Variants in MGLL observed in about 807,000 individuals in gnomAD.
The protein encoded by MGLL is lysophospholipase homolog.
A neutral mutation model predicts 29.1 loss-of-function variants in MGLL; 7 were observed. The observed-to-expected ratio is 0.24, with a 90% CI of 0.14 to 0.45. The LOEUF is 0.45. Ranked by LOEUF, MGLL falls within the 20% of genes least tolerant of loss-of-function variation. The pLI is 0.99. For synonymous variants in MGLL, 148 were observed against 168.3 expected (o/e 0.88, Z 0.93); for missense variants, 356 against 413.6 (o/e 0.86, Z 1.21).
At chr3:127,805,504 G>C (rs1035474744) in intron 2 of MGLL, among the ~76,000 whole-genome samples, 6 of 152,256 alleles carry the variant, frequency 3.9e-5, no homozygotes, top group Admixed American at 3.3e-4. Context: ...CCTAACTGTG[G>C]GACCTCATCA....
At chr3:127,795,776 A>G (rs1383347722) in intron 2 of MGLL, among the ~76,000 whole-genome samples, 1 of 152,196 alleles carries the variant, frequency 6.6e-6, no homozygotes, top group African/African-American at 2.4e-5. Flanking sequence ...TCACACATAT[A>G]ATTTATGTAT....
intron 3 of MGLL, among the ~76,000 whole-genome samples, chr3:127,765,686 C>T (rs911565450): frequency 5.3e-5 from 8 of 152,226 alleles, no homozygotes; most frequent in South Asian, 4.1e-4. Context: ...AACAGAAACA[C>T]GTACCCCCAA....
intron 6 of MGLL, among the ~76,000 whole-genome samples, chr3:127,704,516 C>T (rs898537400): frequency 4.6e-5 from 7 of 152,076 alleles, no homozygotes; most frequent in Admixed American, 3.9e-4. Flanking sequence ...GTCTAATATC[C>T]AGAATCTACA....
intron 7 of MGLL, 68 bp downstream of exon 7, chr3:127,694,907 C>T (rs1355232318): frequency 6.5e-7 from 1 of 1,530,344 alleles, no homozygotes; most frequent in African/African-American, 1.4e-5. Context: ...GCAGATGTGC[C>T]CCAAGGGGTG....
At chr3:127,756,666 C>T (rs2076670329) in intron 3 of MGLL, among the ~76,000 whole-genome samples, 1 of 152,226 alleles carries the variant, frequency 6.6e-6, no homozygotes, top group Non-Finnish European at 1.5e-5. Context: ...CATTTTCAAA[C>T]ACAGGCCTGG....
chr3:127,701,272 C>T (rs1236229534), intron 6 of MGLL, among the ~76,000 whole-genome samples: 3 of 137,578 alleles, frequency 2.2e-5, no homozygotes, highest in South Asian at 4.6e-4. Flanking sequence ...AAAAAAACAA[C>T]GTCAATGTCC....
chr3:127,707,750 A>G (rs2075630261), intron 6 of MGLL, among the ~76,000 whole-genome samples: 1 of 152,244 alleles, frequency 6.6e-6, no homozygotes, highest in Admixed American at 6.5e-5. Context: ...TAGTGTTGAG[A>G]CAATAAAAAG....
intron 5 of MGLL, chr3:127,715,997 T>C (rs963064871): frequency 1.4e-5 from 5 of 365,248 alleles, no homozygotes; most frequent in Non-Finnish European, 1.6e-5. Context: ...GGCTCCCCCA[T>C]TGAGGTGAGA....
At chr3:127,774,028 A>C (rs970893680) in intron 3 of MGLL, among the ~76,000 whole-genome samples, 3 of 152,022 alleles carry the variant, frequency 2.0e-5, no homozygotes, top group African/African-American at 4.8e-5. Flanking sequence ...CACACACATC[A>C]CAGTATACTG....
chr3:127,706,151 C>T (rs1369194293), intron 6 of MGLL, among the ~76,000 whole-genome samples: 1 of 152,186 alleles, frequency 6.6e-6, no homozygotes, highest in East Asian at 1.9e-4. Context: ...GCCACGGGCA[C>T]AGCAGCGTTA....
intron 3 of MGLL, among the ~76,000 whole-genome samples, chr3:127,731,792 G>A (rs2076157087): frequency 6.6e-6 from 1 of 152,164 alleles, no homozygotes; most frequent in African/African-American, 2.4e-5. Context: ...GGCATGCTTT[G>A]CCATCTGTTT....
At chr3:127,707,730 G>A (rs2075629898) in intron 6 of MGLL, among the ~76,000 whole-genome samples, 1 of 152,220 alleles carries the variant, frequency 6.6e-6, no homozygotes, top group Non-Finnish European at 1.5e-5. Context: ...TGCCATCATT[G>A]TGCATTGGGT....
At chr3:127,783,758 G>C (rs1435639405) in intron 2 of MGLL, 1 of 152,230 alleles carries the variant, frequency 6.6e-6, no homozygotes, top group Non-Finnish European at 1.5e-5. Flanking sequence ...AATCAGATGT[G>C]TACTTGTGTA....
intron 3 of MGLL, among the ~76,000 whole-genome samples, chr3:127,758,788 AG>A (rs2076708860): frequency 6.6e-6 from 1 of 152,236 alleles, no homozygotes; most frequent in Admixed American, 6.5e-5. Flanking sequence ...AGCAATTGCT[AG>A]GGAGAAAAAT....
At position 127,773,994 on chromosome 3, in the gene MGLL, A is replaced by G. The variant is rs145785349; in HGVS notation, c.262+7795T>C. 5.0e-3 allele frequency among the ~76,000 whole-genome samples: 762 copies of G among 152,304 alleles called. 6 individuals are homozygous for G. The highest frequency in any genetic ancestry group is 0.014 in the African/African-American group (587 of 41,552). ...TTCGCCCTGCAATCTGTCTTCGCAC[A>G]GCAGCCTCAGGTCGTTCAGAAATCA... On this transcript the variant is annotated intron_variant, in intron 3 of 7. Transcript: ENST00000265052.
intron 2 of MGLL, among the ~76,000 whole-genome samples, chr3:127,795,122 C>A (rs2077363517): frequency 6.6e-6 from 1 of 152,168 alleles, no homozygotes; most frequent in Non-Finnish European, 1.5e-5. Flanking sequence ...ATGGAATCAA[C>A]CTAGGTGCCC....
Position 127,770,381 on chromosome 3 carries a change from G to C in MGLL, c.262+11408C>G, listed in dbSNP as rs143296567. On this transcript the variant is annotated intron_variant, in intron 3 of 7. Coordinates refer to ENST00000265052, the MANE Select transcript of MGLL (RefSeq NM_007283.7). ...GAATCCTTTAATCAAATGAAATATT[G>C]TACAGAAAAAGAGCTGAATGGCCCT... Among the ~76,000 whole-genome samples the C allele has an allele frequency of 3.8e-3, 577 of 152,078 alleles. 2 individuals are homozygous for C. The highest frequency in any genetic ancestry group is 0.017 in the Middle Eastern group (5 of 294).
chr3:127,820,249 A>C (rs1435999608), intron 2 of MGLL, among the ~76,000 whole-genome samples: 2 of 152,190 alleles, frequency 1.3e-5, no homozygotes, highest in African/African-American at 4.8e-5. Context: ...TATCATCTCT[A>C]ACTAGAGCAA....
chr3:127,764,254 C>G (rs564133556), intron 3 of MGLL, among the ~76,000 whole-genome samples: 1 of 152,304 alleles, frequency 6.6e-6, no homozygotes, highest in East Asian at 1.9e-4. Context: ...TTCTAGGAAG[C>G]CTAATGGCCT....
Sources: allele counts gnomAD v4.1 joint callset (sites outside exome capture counted in the v4.1 genomes callset), GRCh38; gene constraint gnomAD v4.1.1; transcripts MANE v1.5; gene names NCBI Gene and HGNC (gene_info 2026-07-23, HGNC 2026-07-21).